ASTN1: variants seen among roughly 807,000 people sequenced by gnomAD.
The protein encoded by ASTN1 is astrotactin 1, also known as astrotactin-1.
Under a neutral mutation model 140.7 loss-of-function variants are expected in ASTN1, and 41 were observed. That is an observed-to-expected ratio of 0.29 (90% CI 0.23 to 0.38). The LOEUF is 0.38. ASTN1 is among the 10% of genes least tolerant of loss of function. The pLI, the probability that ASTN1 is intolerant of heterozygous loss-of-function variation, is 1.00. For missense variants in ASTN1, 1,479 were observed against 1,678.8 expected (o/e 0.88, Z 2.08); for synonymous variants, 640 against 652.2 (o/e 0.98, Z 0.29).
downstream of ASTN1, chr1:176,857,589 C>T: frequency 1.7e-6 from 1 of 593,550 alleles, no homozygotes; most frequent in Non-Finnish European, 3.1e-6. Flanking sequence ...ACCCTGGCTG[C>T]CGTCTTCTTC....
At chr1:177,005,175 A>C (rs1355592768) in intron 8 of ASTN1, among the ~76,000 whole-genome samples, 1 of 152,206 alleles carries the variant, frequency 6.6e-6, no homozygotes, top group Non-Finnish European at 1.5e-5. Flanking sequence ...TAGGCAAAGG[A>C]CATGAATTGA....
At chr1:176,859,480 T>C (rs1667899403), downstream of ASTN1, among the ~76,000 whole-genome samples, 1 of 152,180 alleles carries the variant, frequency 6.6e-6, no homozygotes, top group South Asian at 2.1e-4. Flanking sequence ...CCTGACTGGA[T>C]TATTTTTATT....
chr1:177,097,870 G>A (rs755974007), intron 1 of ASTN1, among the ~76,000 whole-genome samples: 5 of 152,144 alleles, frequency 3.3e-5, no homozygotes, highest in Non-Finnish European at 7.4e-5. Context: ...AAATGACAGG[G>A]TTTAGAGAGC....
chr1:177,137,083 TGG>T (rs1226349005), intron 1 of ASTN1, among the ~76,000 whole-genome samples: 3 of 152,128 alleles, frequency 2.0e-5, no homozygotes, highest in African/African-American at 7.2e-5. Flanking sequence ...AGAGAACTGT[TGG>T]GTTAGAAAAC....
chr1:176,905,133 A>G (rs1000395734), intron 16 of ASTN1, among the ~76,000 whole-genome samples: 2 of 152,218 alleles, frequency 1.3e-5, no homozygotes, highest in Non-Finnish European at 2.9e-5. Context: ...GGACAAGAAG[A>G]GCACAGGGCA....
chr1:177,153,082 C>A (rs1683106819), intron 1 of ASTN1, among the ~76,000 whole-genome samples: 1 of 152,078 alleles, frequency 6.6e-6, no homozygotes, highest in African/African-American at 2.4e-5. Flanking sequence ...AAAATTTGAT[C>A]CCCAATGTTG....
intron 22 of ASTN1, among the ~76,000 whole-genome samples, chr1:176,867,294 G>A (rs2103010489): frequency 6.6e-6 from 1 of 152,094 alleles, no homozygotes; most frequent in East Asian, 1.9e-4. Context: ...ATAAATGTCA[G>A]AAGAGAGAAG....
chr1:177,020,437 T>A (rs1571660232), intron 7 of ASTN1, among the ~76,000 whole-genome samples: 1 of 152,270 alleles, frequency 6.6e-6, no homozygotes, highest in South Asian at 2.1e-4. Context: ...CATGCCTCCT[T>A]CCTCCATATT....
chr1:177,147,329 AG>A (rs1233173962), intron 1 of ASTN1, among the ~76,000 whole-genome samples: 3 of 152,202 alleles, frequency 2.0e-5, no homozygotes, highest in Non-Finnish European at 4.4e-5. Flanking sequence ...TACCAAGCTC[AG>A]CATACATTCA....
intron 1 of ASTN1, among the ~76,000 whole-genome samples, chr1:177,156,839 C>T (rs1344515042): frequency 1.3e-5 from 2 of 152,182 alleles, no homozygotes; most frequent in African/African-American, 4.8e-5. Context: ...ATAGAATGTA[C>T]CCTTGATATG....
downstream of ASTN1, among the ~76,000 whole-genome samples, chr1:176,860,002 C>T (rs987121394): frequency 6.6e-6 from 1 of 152,064 alleles, no homozygotes; most frequent in African/African-American, 2.4e-5. Flanking sequence ...GGTTCTTTGG[C>T]ATGGTTATCT....
At chr1:176,859,037 G>C (rs907582890), downstream of ASTN1, among the ~76,000 whole-genome samples, 1 of 152,188 alleles carries the variant, frequency 6.6e-6, no homozygotes. Flanking sequence ...CAGTTCAAGT[G>C]TTTAGCACAG....
chr1:176,990,377 T>A (rs900132958), intron 8 of ASTN1, among the ~76,000 whole-genome samples: 1 of 151,970 alleles, frequency 6.6e-6, no homozygotes, highest in Non-Finnish European at 1.5e-5. Context: ...GCAAAATTCA[T>A]CTTCTATTTT....
At chr1:177,159,578 A>G (rs1405851977) in intron 1 of ASTN1, among the ~76,000 whole-genome samples, 2 of 152,226 alleles carry the variant, frequency 1.3e-5, no homozygotes, top group Non-Finnish European at 2.9e-5. Flanking sequence ...CCAATTGAAA[A>G]GCTCAGTAAC....
intron 22 of ASTN1, among the ~76,000 whole-genome samples, chr1:176,865,691 T>C (rs183447231): frequency 6.6e-6 from 1 of 152,326 alleles, no homozygotes; most frequent in East Asian, 1.9e-4. Context: ...ACCACTCTTT[T>C]CTAGTTCCAT....
intron 8 of ASTN1, among the ~76,000 whole-genome samples, chr1:176,973,452 C>T (rs35621811): frequency 0.034 from 5,121 of 152,218 alleles, 127 homozygotes; most frequent in Middle Eastern, 0.092. Context: ...ACTCAATGAC[C>T]CTGTGGCTCC....
chr1:177,010,030 G>A (rs988217334), intron 8 of ASTN1, among the ~76,000 whole-genome samples: 2 of 152,074 alleles, frequency 1.3e-5, no homozygotes, highest in African/African-American at 2.4e-5. Flanking sequence ...GCCCTTGGGT[G>A]TACTTTTAAT....
chr1:177,115,494 TA>T (rs1681040705), intron 1 of ASTN1, among the ~76,000 whole-genome samples: 2 of 151,894 alleles, frequency 1.3e-5, no homozygotes, highest in Admixed American at 1.3e-4. Context: ...CTACCTCTAC[TA>T]AAAATACAAA....
Position 176,894,716 on chromosome 1 carries a change from A to T in ASTN1, c.2786T>A (p.Val929Asp), listed in dbSNP as rs1278143188. Residue 929 changes from valine (V) to aspartate (D), a missense_variant, in exon 17 of 23, where the codon GTC becomes GAC. Physicochemically the swap from Val to Asp is radical, Grantham distance 152 (BLOSUM62 -3). Coordinates refer to ENST00000361833, the MANE Select transcript of ASTN1 (RefSeq NM_004319.3). ...DSGTKHMAAG[V>D]RMECHSKGRC... ...TCCCTTGCTGTGGCACTCCATGCGG[A>T]CTCCAGCCGCCATGTGCTTGGTGCC... is the stretch of plus-strand genomic sequence containing the variant. The T allele has an allele frequency of 1.2e-5, 19 of 1,613,718 alleles. No homozygotes were observed. The highest frequency in any genetic ancestry group is 1.6e-5 in the Non-Finnish European group (19 of 1,179,968).
Sources: gnomAD v4.1 joint callset for allele counts (sites outside exome capture counted in the v4.1 genomes callset) on GRCh38, gnomAD v4.1.1 for gene constraint, MANE v1.5 for transcripts, NCBI Gene and HGNC (gene_info 2026-07-23, HGNC 2026-07-21) for gene names.